Variants in FOXRED2 observed in about 807,000 individuals in gnomAD.
FOXRED2 encodes the protein FAD-dependent oxidoreductase domain-containing protein 2.
FOXRED2 carries 32 observed loss-of-function variants against 52.5 expected under a neutral mutation model. The observed-to-expected ratio is 0.61, with a 90% CI of 0.46 to 0.82. The LOEUF (loss-of-function observed/expected upper bound fraction) is 0.82, where lower values mean the gene tolerates loss of function less well. Among genes scored for constraint, FOXRED2 ranks in the 40% least tolerant of loss-of-function variants. The pLI, the probability that FOXRED2 is intolerant of heterozygous loss-of-function variation, is 0.00. For synonymous variants in FOXRED2, 405 were observed against 398.1 expected, an observed-to-expected ratio of 1.02 and a Z score of -0.21; for missense variants, 848 against 937.5, an observed-to-expected ratio of 0.90 and a Z score of 1.25.
intron 6 of FOXRED2, among the ~76,000 whole-genome samples, chr22:36,497,553 C>T (rs532597765): frequency 1.1e-4 from 16 of 152,216 alleles, no homozygotes; most frequent in African/African-American, 3.6e-4. Flanking sequence ...CCGTTTCCTT[C>T]TCAGGAACTG....
At chr22:36,492,460 G>A (rs1933780814) in intron 8 of FOXRED2, among the ~76,000 whole-genome samples, 1 of 152,194 alleles carries the variant, frequency 6.6e-6, no homozygotes, top group Non-Finnish European at 1.5e-5. Context: ...ACAATGCATT[G>A]GTGGGACCCA....
intron 6 of FOXRED2, 60 bp downstream of exon 6, chr22:36,497,931 G>A (rs1284091146): frequency 2.7e-5 from 42 of 1,548,968 alleles, no homozygotes; most frequent in Middle Eastern, 1.7e-4. Flanking sequence ...GAAGAGAAGC[G>A]CTATGCAGCA....
At chr22:36,493,151 A>T (rs1006078705) in intron 8 of FOXRED2, among the ~76,000 whole-genome samples, 4 of 152,202 alleles carry the variant, frequency 2.6e-5, no homozygotes, top group African/African-American at 9.6e-5. Context: ...TTTTGAAAAG[A>T]CATATTATCA....
At chr22:36,498,274 C>A in intron 5 of FOXRED2, 118 bp from the exon 6 acceptor site, 1 of 1,226,280 alleles carries the variant, frequency 8.2e-7, no homozygotes, top group Non-Finnish European at 1.1e-6. Flanking sequence ...GTCTCCATGG[C>A]CCAGCGCAAA....
At chr22:36,504,422 A>T in intron 3 of FOXRED2, 55 bp from the exon 4 acceptor site, 1 of 1,608,070 alleles carries the variant, frequency 6.2e-7, no homozygotes, top group Non-Finnish European at 8.5e-7. Context: ...TGGGCAGTGC[A>T]GCTGGGGTCA....
At chr22:36,493,314 C>T (rs1436104343) in intron 8 of FOXRED2, among the ~76,000 whole-genome samples, 1 of 152,094 alleles carries the variant, frequency 6.6e-6, no homozygotes, top group Non-Finnish European at 1.5e-5. Context: ...TGGCATGTGC[C>T]TGTAGTCCCA....
intron 5 of FOXRED2, among the ~76,000 whole-genome samples, chr22:36,500,251 G>A (rs1603495314): frequency 6.6e-6 from 1 of 152,168 alleles, no homozygotes; most frequent in East Asian, 1.9e-4. Context: ...CCAAAACTCT[G>A]AGCCTCAGAG....
intron 5 of FOXRED2, 164 bp from the exon 6 acceptor site, chr22:36,498,320 C>T: frequency 5.6e-6 from 4 of 709,052 alleles, no homozygotes; most frequent in Non-Finnish European, 9.1e-6. Context: ...GAGGAGATGG[C>T]AGCTGCCTTT....
Position 36,501,403 on chromosome 22 carries a change from G to A in FOXRED2, c.1054C>T (p.Leu352Phe). ...NFDFSIFNKSLRLNSGNAFGK... is the reference protein window; with the variant it reads ...NFDFSIFNKSFRLNSGNAFGK... Reference sequence around the variant, plus strand: ...AATGCATTTCCCGAGTTAAGTCTGAGGGACCTGTCAGTGGAAAGGGCTGTT... The same window carrying A: ...AATGCATTTCCCGAGTTAAGTCTGAAGGACCTGTCAGTGGAAAGGGCTGTT... The change falls in exon 5 of 9, where the codon CTC (leucine) becomes TTC (phenylalanine). Residue 352 changes from leucine (L) to phenylalanine (F), a missense_variant. Transcript: ENST00000397224. The A allele has an allele frequency of 6.2e-7, 1 of 1,613,908 alleles. No individual in the cohort carries two copies. The highest frequency in any genetic ancestry group is 8.5e-7 in the Non-Finnish European group (1 of 1,179,804).
chr22:36,496,328 C>G, intron 6 of FOXRED2, 120 bp from the exon 7 acceptor site: 1 of 1,196,134 alleles, frequency 8.4e-7, no homozygotes, highest in South Asian at 1.5e-5. Context: ...GTCAATCAAG[C>G]AGCACACCCC....
At chr22:36,501,542 C>G in intron 4 of FOXRED2, 135 bp from the exon 5 acceptor site, 1 of 779,938 alleles carries the variant, frequency 1.3e-6, no homozygotes, top group East Asian at 2.8e-5. Flanking sequence ...CTCACTGCAA[C>G]CTCTGCCTCC....
chr22:36,497,969 A>T, intron 6 of FOXRED2, 22 bp downstream of exon 6: 1 of 1,607,174 alleles, frequency 6.2e-7, no homozygotes, highest in Non-Finnish European at 8.5e-7. Flanking sequence ...CGAGGGGAGT[A>T]GGGTGGGGAC....
At chr22:36,498,304 TGA>T in intron 5 of FOXRED2, 148 bp from the exon 6 acceptor site, 1 of 831,226 alleles carries the variant, frequency 1.2e-6, no homozygotes, top group Non-Finnish European at 1.8e-6. Context: ...GGTGAACACA[TGA>T]GGGGAGGAGA....
chr22:36,506,768 C>G (rs531985331), intron 1 of FOXRED2: 64 of 231,486 alleles, frequency 2.8e-4, no homozygotes, highest in South Asian at 1.6e-3. Flanking sequence ...AACCACCCTC[C>G]AGGTTGGACC....
At chr22:36,490,638 G>A (rs951811247) in intron 8 of FOXRED2, among the ~76,000 whole-genome samples, 6 of 152,242 alleles carry the variant, frequency 3.9e-5, no homozygotes, top group African/African-American at 1.4e-4. Flanking sequence ...GGCCTGGTGC[G>A]GCTGGGAACT....
At chr22:36,506,516 C>A (rs927716247) in intron 1 of FOXRED2, 93 bp from the exon 2 acceptor site, 9 of 1,245,880 alleles carry the variant, frequency 7.2e-6, no homozygotes, top group Admixed American at 3.1e-5. Flanking sequence ...GGAACTCTCA[C>A]TGCAATCTGG....
rs764531092 is a variant in FOXRED2, at chr22:36,504,159, C to A, written c.988G>T (p.Val330Leu). 6.2e-7 allele frequency: 1 copy of A among 1,614,094 alleles called. No individual in the cohort carries two copies. Among genetic ancestry groups the A allele is most frequent in the Non-Finnish European group, 8.5e-7 (1 of 1,180,044 alleles). ...CAGCGGATTACCCGGTCATAGGGCA[C>A]GCGCATGGCAAAGTTGTCATTGTCG... Reference protein sequence around the residue: ...QDDNDNFAMRVPYDRVIRCLG... With the variant: ...QDDNDNFAMRLPYDRVIRCLG... Residue 330 changes from valine (V) to leucine (L), a missense_variant, in exon 4 of 9, where the codon GTG becomes TTG. Val to Leu is a conservative substitution (Grantham distance 32). Transcript: ENST00000397224.
rs183047934 is a variant in FOXRED2, at chr22:36,500,924, C to G, written c.1216+317G>C. 2.5e-4 allele frequency among the ~76,000 whole-genome samples: 37 copies of G among 147,234 alleles called. No homozygotes were observed. The East Asian group carries it at 7.2e-3, about 29-fold the overall frequency. ...TTTATTTTTGAGACCAAGTCTCGCT[C>G]TGTCACCCAGGCTGGAGTGCAGTGG... On this transcript the variant is annotated intron_variant, in intron 5 of 8. Coordinates refer to ENST00000397224, the MANE Select transcript of FOXRED2 (RefSeq NM_001102371.2).
chr22:36,494,183 T>G (rs1933832846), intron 7 of FOXRED2, among the ~76,000 whole-genome samples: 1 of 151,958 alleles, frequency 6.6e-6, no homozygotes, highest in Non-Finnish European at 1.5e-5. Context: ...GTGGCACAAT[T>G]TAGGCTCACC....
Sources: allele counts gnomAD v4.1 joint callset (sites outside exome capture counted in the v4.1 genomes callset), GRCh38; gene constraint gnomAD v4.1.1; transcripts MANE v1.5; gene names NCBI Gene and HGNC (gene_info 2026-07-23, HGNC 2026-07-21).